STXBP5: variants seen among roughly 807,000 people sequenced by gnomAD.
STXBP5 encodes the protein syntaxin binding protein 5, also known as syntaxin-binding protein 5.
A neutral mutation model predicts 152.4 loss-of-function variants in STXBP5; 50 were observed. That is an observed-to-expected ratio of 0.33 (90% confidence interval 0.26 to 0.42). The LOEUF is 0.42. Ranked by LOEUF, STXBP5 falls within the 10% of genes least tolerant of loss-of-function variation. The probability of loss-of-function intolerance (pLI) is 1.00; values close to 1 mark genes in which losing one functional copy is unlikely to be tolerated. For missense variants in STXBP5, 1,167 were observed against 1,388.6 expected, an observed-to-expected ratio of 0.84 and a Z score of 2.54; for synonymous variants, 492 against 494.7, an observed-to-expected ratio of 0.99 and a Z score of 0.07.
chr6:147,300,900 A>G (rs1480511809), intron 9 of STXBP5, among the ~76,000 whole-genome samples: 1 of 152,040 alleles, frequency 6.6e-6, no homozygotes, highest in Non-Finnish European at 1.5e-5. Context: ...TTTGTAAACT[A>G]TACATCTAAC....
Position 147,206,066 on chromosome 6 carries a change from G to A in STXBP5, c.246G>A (p.Arg82=), listed in dbSNP as rs1272797808. Residue 82 remains arginine (R), a splice_region_variant and synonymous_variant, in exon 2 of 28, where the codon AGG becomes AGA. Transcript: ENST00000321680. ...TGGGAACTCAGACTGGTGCTTTAAG[G>A]CTGTATCCTTTCTTTAATTTTATTT... is the stretch of plus-strand genomic sequence containing the variant. ...LAVGTQTGAL[R]LFGRPGVECY... is the part of the protein sequence containing the mutation. 5.0e-6 allele frequency: 8 copies of A among 1,612,064 alleles called. No homozygotes were observed. The highest frequency in any genetic ancestry group is 6.8e-6 in the Non-Finnish European group (8 of 1,178,228).
intron 23 of STXBP5, among the ~76,000 whole-genome samples, chr6:147,361,100 G>C (rs904834979): frequency 6.6e-6 from 1 of 152,092 alleles, no homozygotes; most frequent in African/African-American, 2.4e-5. Context: ...GTAAATATGT[G>C]TATAGGAATA....
chr6:147,287,958 T>G (rs905219355), intron 8 of STXBP5, among the ~76,000 whole-genome samples: 14 of 152,294 alleles, frequency 9.2e-5, no homozygotes, highest in Non-Finnish European at 1.8e-4. Context: ...TTTTACTTTT[T>G]TTTTTTCTTC....
intron 21 of STXBP5, among the ~76,000 whole-genome samples, chr6:147,345,271 A>C (rs1340101318): frequency 6.6e-6 from 1 of 152,186 alleles, no homozygotes; most frequent in South Asian, 2.1e-4. Context: ...TAGAGCGTTT[A>C]CAAGATAAAT....
chr6:147,331,805 TAAAAAAAAAAAA>T, intron 18 of STXBP5, among the ~76,000 whole-genome samples: 1 of 115,398 alleles, frequency 8.7e-6, no homozygotes, highest in South Asian at 2.9e-4. Context: ...TTCTACCAGT[TAAAAAAAAAAAA>T]AAAAAAAAAA....
In STXBP5 at chr6:147,341,321, G is replaced by A. The variant is rs142131883; in HGVS notation, c.2254+1937G>A. On this transcript the variant is annotated intron_variant, in intron 21 of 27. Transcript: ENST00000321680. ...GGAAAAAAACTCATAGATCTTCTGA[G>A]GACCTCCCTGTCAAGACTGGTATTT... Among the ~76,000 whole-genome samples the A allele has an allele frequency of 8.1e-4, 123 of 152,182 alleles. 1 individual carries two copies. In the East Asian group the frequency reaches 0.01, roughly 12 times the overall value.
At chr6:147,375,797 T>A (rs117968848) in intron 26 of STXBP5, among the ~76,000 whole-genome samples, 1,581 of 152,016 alleles carry the variant, frequency 0.01, 12 homozygotes, top group Non-Finnish European at 0.015. Flanking sequence ...TTAATGTGGC[T>A]AGAGAAAAAT....
chr6:147,256,635 C>T (rs1233744765), intron 4 of STXBP5, among the ~76,000 whole-genome samples: 1 of 152,138 alleles, frequency 6.6e-6, no homozygotes, highest in Non-Finnish European at 1.5e-5. Flanking sequence ...AAAGATAACT[C>T]TTGTGGCAGT....
intron 22 of STXBP5, 101 bp from the exon 23 acceptor site, chr6:147,358,980 TGTC>T (rs1374953066): frequency 7.5e-7 from 1 of 1,326,422 alleles, no homozygotes; most frequent in African/African-American, 1.5e-5. Flanking sequence ...ACGTAGGTTT[TGTC>T]TTCTTGCAGA....
intron 16 of STXBP5, among the ~76,000 whole-genome samples, chr6:147,318,341 T>C (rs1782746635): frequency 6.6e-6 from 1 of 152,056 alleles, no homozygotes; most frequent in African/African-American, 2.4e-5. Context: ...AGAAAGGCCT[T>C]TTTTTTCCAG....
chr6:147,357,881 T>A, intron 22 of STXBP5, among the ~76,000 whole-genome samples: 1 of 152,160 alleles, frequency 6.6e-6, no homozygotes, highest in Non-Finnish European at 1.5e-5. Context: ...TAGTGAGACA[T>A]AACTGGAAAA....
Position 147,204,587 on chromosome 6 carries a change from T to A in STXBP5, c.55T>A (p.Ser19Thr), listed in dbSNP as rs780246071. Residue 19 changes from serine (S) to threonine (T), a missense_variant, in exon 1 of 28, where the codon TCG becomes ACG. Coordinates refer to ENST00000321680, the MANE Select transcript of STXBP5 (RefSeq NM_001127715.4). This position sits in a 1 kb window ranked among gnomAD's most constrained non-coding sequence, Gnocchi z 4.3. ...GGACGGCCTGACCGCCGGCTCGTCC[T>A]CGGCGTCGCAGCAGCAACAGCAGCA... Reference protein sequence around the residue: ...VLDGLTAGSSSASQQQQQQHP... With the variant: ...VLDGLTAGSSTASQQQQQQHP... The A allele has an allele frequency of 6.2e-7, 1 of 1,609,530 alleles. No individual in the cohort carries two copies. Among genetic ancestry groups the A allele is most frequent in the Non-Finnish European group, 8.5e-7 (1 of 1,178,178 alleles).
intron 4 of STXBP5, among the ~76,000 whole-genome samples, chr6:147,242,363 T>A (rs1247364033): frequency 6.6e-6 from 1 of 152,074 alleles, no homozygotes; most frequent in African/African-American, 2.4e-5. Flanking sequence ...TAAGCTAAGG[T>A]TAATTTATTA....
In STXBP5 at chr6:147,363,724, T is replaced by C; in HGVS notation, c.2915+20T>C. The C allele has an allele frequency of 6.3e-7, 1 of 1,581,034 alleles. No homozygotes were observed. Among genetic ancestry groups the C allele is most frequent in the Non-Finnish European group, 8.6e-7 (1 of 1,167,564 alleles). On this transcript the variant is annotated intron_variant, in intron 24 of 27. Coordinates refer to ENST00000321680, the MANE Select transcript of STXBP5 (RefSeq NM_001127715.4). ...TTTTAGGTAAGAGTTAGATATGTTTTAAAACACAGATATAGCATTTCCTCC... is the reference window on the plus strand; with the variant it reads ...TTTTAGGTAAGAGTTAGATATGTTTCAAAACACAGATATAGCATTTCCTCC...
intron 7 of STXBP5, among the ~76,000 whole-genome samples, chr6:147,275,793 A>G (rs111690618): frequency 0.054 from 8,176 of 151,774 alleles, 715 homozygotes; most frequent in African/African-American, 0.18. Flanking sequence ...TCCTGACCTC[A>G]TGATCCACCC....
Position 147,204,426 on chromosome 6 carries a change from C to G in STXBP5, c.-107C>G. 3 of 1,067,994 alleles carry G rather than the reference C, an allele frequency of 2.8e-6. No individual in the cohort carries two copies. Among genetic ancestry groups the G allele is most frequent in the South Asian group, 2.9e-5 (2 of 68,196 alleles). 66.2% of individuals were successfully genotyped at this position (1,067,994 alleles called of 1,614,324 possible). A position where few individuals can be genotyped will look rare whatever the true frequency, so the allele number is the denominator to read the frequency against. ...CTGCCTCCTTACCCTCACACTCCCA[C>G]TCCTCCGTTTCCGCGGTCGAAGCTG... On this transcript the variant is annotated 5_prime_UTR_variant, in exon 1 of 28. Transcript: ENST00000321680. This position sits in a 1 kb window ranked among gnomAD's most constrained non-coding sequence, Gnocchi z 4.3.
Position 147,364,017 on chromosome 6 carries a change from C to A in STXBP5, c.2932C>A (p.Pro978Thr). 1 of 1,613,252 alleles carries A rather than the reference C, an allele frequency of 6.2e-7. No individual in the cohort carries two copies. Among genetic ancestry groups the A allele is most frequent in the Non-Finnish European group, 8.5e-7 (1 of 1,179,816 alleles). ...IMTFSLPSLR[P>T]LLDVYYLPLT... ...TTTCTCAAGTTTGCCAAGTTTAAGA[C>A]CTCTGTTGGATGTGTATTACTTGCC... Residue 978 changes from proline (P) to threonine (T), a missense_variant, in exon 25 of 28, where the codon CCT becomes ACT. By Grantham distance (38) the Pro-to-Thr change is conservative. Coordinates refer to ENST00000321680, the MANE Select transcript of STXBP5 (RefSeq NM_001127715.4).
intron 18 of STXBP5, among the ~76,000 whole-genome samples, chr6:147,330,576 G>T (rs1461818607): frequency 1.3e-5 from 2 of 152,158 alleles, no homozygotes; most frequent in Non-Finnish European, 2.9e-5. Flanking sequence ...TCTAGAATGA[G>T]TTGCTATGTG....
At chr6:147,231,767 C>A (rs897142383) in intron 2 of STXBP5, among the ~76,000 whole-genome samples, 5 of 151,618 alleles carry the variant, frequency 3.3e-5, no homozygotes, top group Admixed American at 6.6e-5. Context: ...GTGAACATAG[C>A]CACAGTAAGT....
Sources: allele counts gnomAD v4.1 joint callset (sites outside exome capture counted in the v4.1 genomes callset), GRCh38; gene constraint gnomAD v4.1.1; non-coding constraint Gnocchi (gnomAD v3.1); transcripts MANE v1.5; gene names NCBI Gene and HGNC (gene_info 2026-07-23, HGNC 2026-07-21).